SHISA9: variants seen among roughly 807,000 people sequenced by gnomAD.
SHISA9 encodes shisa family member 9.
In SHISA9, 13 loss-of-function variants were observed where a neutral mutation model predicts 38.0. The ratio of observed to expected loss-of-function variants is 0.34; its 90% confidence interval spans 0.22 to 0.54. The LOEUF (loss-of-function observed/expected upper bound fraction) is 0.54. Among genes scored for constraint, SHISA9 ranks in the 20% least tolerant of loss-of-function variants. The pLI is 0.91. For missense variants in SHISA9, 538 were observed against 575.8 expected (o/e 0.93, Z 0.67); for synonymous variants, 275 against 242.0 (o/e 1.14, Z -1.27).
At chr16:13,417,192 C>T in the SHISA9 span, among the ~76,000 whole-genome samples, 1 of 152,178 alleles carries the variant, frequency 6.6e-6, no homozygotes, top group African/African-American at 2.4e-5. Flanking sequence ...GGACTATTAA[C>T]ATCAGCACGG....
chr16:12,957,171 C>T (rs2071847759), intron 2 of SHISA9, among the ~76,000 whole-genome samples: 1 of 152,168 alleles, frequency 6.6e-6, no homozygotes, highest in African/African-American at 2.4e-5. Context: ...TTTCACAGCT[C>T]AGCAGAGGCA....
At chr16:13,456,694 C>G in the SHISA9 span, among the ~76,000 whole-genome samples, 1 of 152,192 alleles carries the variant, frequency 6.6e-6, no homozygotes, top group Non-Finnish European at 1.5e-5. Flanking sequence ...GTTATCAGTT[C>G]TACCTCCAGA....
At chr16:13,391,562 G>A in the SHISA9 span, among the ~76,000 whole-genome samples, 5 of 152,156 alleles carry the variant, frequency 3.3e-5, no homozygotes, top group Admixed American at 6.5e-5. Flanking sequence ...GGCTGGGTTC[G>A]GGGGGAGTTC....
At chr16:13,419,626 T>C in the SHISA9 span, among the ~76,000 whole-genome samples, 14 of 152,232 alleles carry the variant, frequency 9.2e-5, 1 homozygote, top group East Asian at 2.3e-3. Context: ...TTAGAGTGGC[T>C]GTTTACTTAC....
chr16:12,953,975 C>T (rs992221726), intron 2 of SHISA9, among the ~76,000 whole-genome samples: 6 of 152,182 alleles, frequency 3.9e-5, no homozygotes, highest in Non-Finnish European at 7.3e-5. Flanking sequence ...AAGATCCAGT[C>T]ACCTCCAACC....
At chr16:13,039,435 C>T (rs2073109059) in intron 2 of SHISA9, among the ~76,000 whole-genome samples, 1 of 150,556 alleles carries the variant, frequency 6.6e-6, no homozygotes. Flanking sequence ...TCATCCCCAG[C>T]TTCATTATTT....
chr16:12,952,028 G>A (rs1479639052), intron 2 of SHISA9, among the ~76,000 whole-genome samples: 1 of 152,224 alleles, frequency 6.6e-6, no homozygotes, highest in Non-Finnish European at 1.5e-5. Context: ...GGAAGGCGGA[G>A]GCAGTGTCTA....
At chr16:13,317,768 A>G in the SHISA9 span, among the ~76,000 whole-genome samples, 2 of 152,222 alleles carry the variant, frequency 1.3e-5, no homozygotes, top group African/African-American at 4.8e-5. Context: ...TCATGTGTCA[A>G]ACTTTGAAAG....
the SHISA9 span, among the ~76,000 whole-genome samples, chr16:13,419,411 C>T: frequency 1.3e-5 from 2 of 152,192 alleles, no homozygotes; most frequent in Non-Finnish European, 2.9e-5. Context: ...TTTTGAAAGA[C>T]TTTTGGCTTT....
chr16:13,490,701 C>T, the SHISA9 span, among the ~76,000 whole-genome samples: 1 of 152,196 alleles, frequency 6.6e-6, no homozygotes, highest in South Asian at 2.1e-4. Flanking sequence ...TATTGATCCA[C>T]TCGAGCTCTT....
intron 2 of SHISA9, among the ~76,000 whole-genome samples, chr16:13,180,657 C>T (rs1295930239): frequency 6.6e-6 from 1 of 152,182 alleles, no homozygotes; most frequent in Non-Finnish European, 1.5e-5. Flanking sequence ...ATGACTGCAT[C>T]ACCGCACTCC....
chr16:13,064,393 G>A (rs1197888686), intron 2 of SHISA9, among the ~76,000 whole-genome samples: 1 of 152,154 alleles, frequency 6.6e-6, no homozygotes, highest in Non-Finnish European at 1.5e-5. Context: ...TAGAACACAT[G>A]AGATCAGGCG....
intron 2 of SHISA9, among the ~76,000 whole-genome samples, chr16:13,174,687 G>A (rs947639943): frequency 6.6e-6 from 1 of 152,182 alleles, no homozygotes; most frequent in Admixed American, 6.5e-5. Context: ...CTCACATGGG[G>A]TGAGGTGCAG....
the SHISA9 span, among the ~76,000 whole-genome samples, chr16:13,445,606 T>C: frequency 6.6e-6 from 1 of 152,216 alleles, no homozygotes; most frequent in East Asian, 1.9e-4. Flanking sequence ...TCTTAATTCA[T>C]AGCGCTATGA....
At chr16:13,085,126 A>G (rs1194818917) in intron 2 of SHISA9, among the ~76,000 whole-genome samples, 6 of 152,156 alleles carry the variant, frequency 3.9e-5, no homozygotes, top group Non-Finnish European at 8.8e-5. Context: ...ATTGAGAAGG[A>G]TATCCTTACC....
chr16:12,929,139 A>G (rs776278795), intron 2 of SHISA9, among the ~76,000 whole-genome samples: 5 of 152,210 alleles, frequency 3.3e-5, no homozygotes, highest in Non-Finnish European at 7.3e-5. Flanking sequence ...TCAAAGAATA[A>G]CAGATGCTGG....
At chr16:13,152,716 A>G (rs2050510293) in intron 2 of SHISA9, among the ~76,000 whole-genome samples, 3 of 152,074 alleles carry the variant, frequency 2.0e-5, no homozygotes, top group African/African-American at 7.3e-5. Flanking sequence ...TGGAACACCC[A>G]GTTTGATGAA....
chr16:13,306,092 T>C, the SHISA9 span, among the ~76,000 whole-genome samples: 1 of 151,990 alleles, frequency 6.6e-6, no homozygotes, highest in Non-Finnish European at 1.5e-5. Flanking sequence ...TTCCAGGGCT[T>C]TGAAGTAGGA....
intron 2 of SHISA9, among the ~76,000 whole-genome samples, chr16:13,165,087 G>T (rs1456727361): frequency 6.6e-6 from 1 of 152,102 alleles, no homozygotes; most frequent in Admixed American, 6.6e-5. Flanking sequence ...TCTTGTGCTT[G>T]TGGTTTGTTA....
Sources: allele counts gnomAD v4.1 joint callset (sites outside exome capture counted in the v4.1 genomes callset), GRCh38; gene constraint gnomAD v4.1.1; transcripts MANE v1.5; gene names NCBI Gene and HGNC (gene_info 2026-07-23, HGNC 2026-07-21).